GRM7: variants seen among roughly 807,000 people sequenced by gnomAD.
GRM7 encodes metabotropic glutamate receptor 7.
A neutral mutation model predicts 84.5 loss-of-function variants in GRM7; 35 were observed. The ratio of observed to expected loss-of-function variants is 0.41; its 90% confidence interval spans 0.32 to 0.55. The LOEUF is 0.55. GRM7 is among the 20% of genes least tolerant of loss of function. The pLI is 0.19. For missense variants in GRM7, 1,003 were observed against 1,194.6 expected (o/e 0.84, Z 2.36); for synonymous variants, 487 against 455.1 (o/e 1.07, Z -0.89).
chr3:7,125,826 C>A (rs1294077077), intron 1 of GRM7, among the ~76,000 whole-genome samples: 1 of 152,122 alleles, frequency 6.6e-6, no homozygotes, highest in Non-Finnish European at 1.5e-5. Context: ...TAGTTGCTGT[C>A]ATCTTTGCAA....
intron 9 of GRM7, among the ~76,000 whole-genome samples, chr3:7,697,642 C>T (rs1701069872): frequency 6.6e-6 from 1 of 152,212 alleles, no homozygotes; most frequent in African/African-American, 2.4e-5. Context: ...CGCCACTTGT[C>T]ACCTTATCTA....
intron 4 of GRM7, among the ~76,000 whole-genome samples, chr3:7,364,486 T>G (rs763555216): frequency 3.3e-5 from 5 of 151,832 alleles, no homozygotes; most frequent in Non-Finnish European, 7.4e-5. Flanking sequence ...TTGCAAAAAT[T>G]GACATATTTG....
chr3:7,567,320 G>C (rs1174129465), intron 7 of GRM7, among the ~76,000 whole-genome samples: 1 of 152,144 alleles, frequency 6.6e-6, no homozygotes, highest in Non-Finnish European at 1.5e-5. Flanking sequence ...TTTAAAAAGA[G>C]GCAGTGTTAC....
At chr3:7,247,614 AAAAAAAG>A (rs1218237275) in intron 2 of GRM7, among the ~76,000 whole-genome samples, 2 of 150,616 alleles carry the variant, frequency 1.3e-5, no homozygotes, top group African/African-American at 2.4e-5. Flanking sequence ...AAAAAAAAAA[AAAAAAAG>A]AAGAAGAAAG....
At chr3:7,158,818 C>A (rs1694535472) in intron 2 of GRM7, among the ~76,000 whole-genome samples, 1 of 152,104 alleles carries the variant, frequency 6.6e-6, no homozygotes, top group Admixed American at 6.6e-5. Flanking sequence ...AGTCTTTTAG[C>A]CTACGCTGTG....
At chr3:6,960,055 A>C (rs1423078228) in intron 1 of GRM7, among the ~76,000 whole-genome samples, 2 of 152,156 alleles carry the variant, frequency 1.3e-5, no homozygotes, top group Non-Finnish European at 2.9e-5. Flanking sequence ...ACCAATAACA[A>C]CTATAATCCT....
At chr3:7,196,157 T>G (rs1695871655) in intron 2 of GRM7, among the ~76,000 whole-genome samples, 1 of 152,134 alleles carries the variant, frequency 6.6e-6, no homozygotes, top group Non-Finnish European at 1.5e-5. Flanking sequence ...AGGAAAAGGC[T>G]ATGTTGCAGT....
intron 4 of GRM7, among the ~76,000 whole-genome samples, chr3:7,370,221 T>G (rs1447959459): frequency 6.6e-6 from 1 of 152,144 alleles, no homozygotes; most frequent in African/African-American, 2.4e-5. Context: ...TACTACAAAC[T>G]AGTAAATTAA....
chr3:6,894,621 C>T (rs1333680603), intron 1 of GRM7, among the ~76,000 whole-genome samples: 1 of 151,996 alleles, frequency 6.6e-6, no homozygotes, highest in Non-Finnish European at 1.5e-5. Flanking sequence ...ATTGCATACA[C>T]ACATGTGCAC....
At chr3:7,105,318 A>G (rs762348774) in intron 1 of GRM7, among the ~76,000 whole-genome samples, 2 of 151,876 alleles carry the variant, frequency 1.3e-5, no homozygotes, top group Non-Finnish European at 2.9e-5. Context: ...AAAATAACTC[A>G]TATTCTTTGT....
chr3:7,050,142 T>C (rs1172445656), intron 1 of GRM7, among the ~76,000 whole-genome samples: 2 of 151,942 alleles, frequency 1.3e-5, no homozygotes, highest in East Asian at 1.9e-4. Context: ...CAATGGAATA[T>C]GTACAAATTA....
At chr3:7,644,010 A>G (rs1698487844) in intron 8 of GRM7, among the ~76,000 whole-genome samples, 1 of 42,288 alleles carries the variant, frequency 2.4e-5, no homozygotes, top group Non-Finnish European at 4.9e-5. Flanking sequence ...CACCATGTAT[A>G]TATATATATA....
intron 4 of GRM7, 138 bp from the exon 5 acceptor site, chr3:7,414,885 A>ATT: frequency 1.7e-6 from 1 of 592,212 alleles, no homozygotes; most frequent in Non-Finnish European, 2.9e-6. Context: ...TCCTTCTGTT[A>ATT]ATTTTTTTTT....
intron 2 of GRM7, among the ~76,000 whole-genome samples, chr3:7,251,433 A>C (rs1697982973): frequency 6.6e-6 from 1 of 152,166 alleles, no homozygotes; most frequent in South Asian, 2.1e-4. Flanking sequence ...TTTCACAAAA[A>C]AAGTATTGGA....
intron 2 of GRM7, among the ~76,000 whole-genome samples, chr3:7,214,690 T>A (rs1696543121): frequency 6.6e-6 from 1 of 152,374 alleles, no homozygotes; most frequent in East Asian, 1.9e-4. Flanking sequence ...GTCATAAATC[T>A]TCCTGAGGCA....
At chr3:7,014,153 T>C (rs1695482581) in intron 1 of GRM7, among the ~76,000 whole-genome samples, 1 of 152,170 alleles carries the variant, frequency 6.6e-6, no homozygotes, top group Non-Finnish European at 1.5e-5. Context: ...CTGATGATCA[T>C]TGTCTGTTAT....
chr3:6,972,310 T>C (rs949552951), intron 1 of GRM7, among the ~76,000 whole-genome samples: 1 of 152,196 alleles, frequency 6.6e-6, no homozygotes, highest in Non-Finnish European at 1.5e-5. Context: ...CATTGGCCCT[T>C]CCTCAAACCT....
At chr3:7,275,040 A>G (rs1699002655) in intron 2 of GRM7, among the ~76,000 whole-genome samples, 2 of 152,076 alleles carry the variant, frequency 1.3e-5, no homozygotes, top group Admixed American at 6.6e-5. Context: ...AGATATGCTT[A>G]CGCTCAAATA....
chr3:7,113,784 T>A (rs578042790), intron 1 of GRM7, among the ~76,000 whole-genome samples: 89 of 152,280 alleles, frequency 5.8e-4, no homozygotes, highest in Middle Eastern at 3.4e-3. Context: ...ATCACCAGAA[T>A]TCTGGTGCAA....
Sources: allele counts gnomAD v4.1 joint callset (sites outside exome capture counted in the v4.1 genomes callset), GRCh38; gene constraint gnomAD v4.1.1; transcripts MANE v1.5; gene names NCBI Gene and HGNC (gene_info 2026-07-23, HGNC 2026-07-21).